The following NRXN2 variants were observed in gnomAD, a reference collection of about 807,000 sequenced individuals.
The protein encoded by NRXN2 is neurexin 2, also known as neurexin-2-beta.
Under a neutral mutation model 128.8 loss-of-function variants are expected in NRXN2, and 29 were observed. That is an observed-to-expected ratio of 0.23 (90% confidence interval 0.17 to 0.31). The LOEUF (loss-of-function observed/expected upper bound fraction) is 0.31. Ranked by LOEUF, NRXN2 falls within the 10% of genes least tolerant of loss-of-function variation. NRXN2 has a pLI of 1.00. For synonymous variants in NRXN2, 1,098 were observed against 1,075.2 expected (o/e 1.02, Z -0.41); for missense variants, 1,881 against 2,452.6 (o/e 0.77, Z 4.92).
At position 64,664,557 on chromosome 11, in the gene NRXN2, T is replaced by A. The variant is rs141733437; in HGVS notation, c.1798+2693A>T. On this transcript the variant is annotated intron_variant, in intron 9 of 22. Coordinates refer to ENST00000265459, the MANE Select transcript of NRXN2 (RefSeq NM_015080.4). ...TCATTTCTTTCTCTGTCCCATGTGA[T>A]CTGCAGGAAAGGGTAGTAAATTTTA... Among the ~76,000 whole-genome samples the A allele has an allele frequency of 7.2e-5, 11 of 152,126 alleles. No individual in the cohort carries two copies. In the East Asian group the frequency reaches 1.5e-3, roughly 21 times the overall value.
Position 64,660,974 on chromosome 11 carries a change from A to G in NRXN2, c.1964T>C (p.Val655Ala). Reference sequence around the variant, plus strand: ...TATGAAGAGGTCCCGCACACAGCCCACGTAGCCTGCCCGGAGTGCTGCTGT... The same window carrying G: ...TATGAAGAGGTCCCGCACACAGCCCGCGTAGCCTGCCCGGAGTGCTGCTGT... ...VWTAALRAGY[V>A]GCVRDLFIDG... is the part of the protein sequence containing the mutation. Residue 655 changes from valine (V) to alanine (A), a missense_variant, in exon 10 of 23, where the codon GTG becomes GCG. Around this residue, in one of 7 missense-constraint regions of NRXN2, gnomAD observed 997 missense variants for 1,240.8 expected, o/e 0.80. Coordinates refer to ENST00000265459, the MANE Select transcript of NRXN2 (RefSeq NM_015080.4). The surrounding 1 kb of genome is among the most constrained non-coding windows in gnomAD (Gnocchi z 5.2). 2 of 1,613,806 alleles carry G rather than the reference A, an allele frequency of 1.2e-6. No homozygotes were observed. Among genetic ancestry groups the G allele is most frequent in the Non-Finnish European group, 1.7e-6 (2 of 1,179,974 alleles).
chr11:64,695,715 T>C (rs1294615926), intron 3 of NRXN2, among the ~76,000 whole-genome samples: 1 of 151,804 alleles, frequency 6.6e-6, no homozygotes, highest in African/African-American at 2.4e-5. Flanking sequence ...CTCCTAGGTG[T>C]GTATACACAC....
intron 19 of NRXN2, among the ~76,000 whole-genome samples, chr11:64,628,300 T>C (rs2043369353): frequency 6.6e-6 from 1 of 152,206 alleles, no homozygotes; most frequent in Non-Finnish European, 1.5e-5. Flanking sequence ...CAGTGGGAGA[T>C]CCAGGATTAA....
chr11:64,692,109 G>C (rs2059005895), intron 4 of NRXN2, among the ~76,000 whole-genome samples: 1 of 152,208 alleles, frequency 6.6e-6, no homozygotes, highest in African/African-American at 2.4e-5. Context: ...CTTAGTCAAA[G>C]GAGTGCTAAA....
chr11:64,612,633 C>T (rs1245677889), intron 22 of NRXN2, among the ~76,000 whole-genome samples: 8 of 152,264 alleles, frequency 5.3e-5, no homozygotes, highest in African/African-American at 1.4e-4. Flanking sequence ...TAGCCCCCTT[C>T]TGCCCTTAGG....
At chr11:64,673,736 T>C (rs987166086) in intron 7 of NRXN2, among the ~76,000 whole-genome samples, 2 of 152,104 alleles carry the variant, frequency 1.3e-5, no homozygotes, top group African/African-American at 4.8e-5. Flanking sequence ...GTTTGTTTGT[T>C]TGTTTTAGAG....
At chr11:64,649,354 C>G (rs1303515132) in intron 15 of NRXN2, among the ~76,000 whole-genome samples, 1 of 152,178 alleles carries the variant, frequency 6.6e-6, no homozygotes, top group Non-Finnish European at 1.5e-5. Context: ...AAGCCCAGCT[C>G]CCTTCCCCCA....
At chr11:64,620,474 G>T in intron 21 of NRXN2, 102 bp from the exon 22 acceptor site, 2 of 891,192 alleles carry the variant, frequency 2.2e-6, no homozygotes, top group Non-Finnish European at 3.6e-6. Flanking sequence ...GATGCCCCTG[G>T]GCTGAGACGG....
intron 3 of NRXN2, among the ~76,000 whole-genome samples, chr11:64,694,633 A>C (rs2054253309): frequency 6.6e-6 from 1 of 152,090 alleles, no homozygotes; most frequent in Non-Finnish European, 1.5e-5. Context: ...TATCCATCAC[A>C]CAGGTAAGGA....
chr11:64,711,925 C>A (rs2056935155), intron 2 of NRXN2, among the ~76,000 whole-genome samples: 1 of 152,122 alleles, frequency 6.6e-6, no homozygotes, highest in East Asian at 1.9e-4. Context: ...AATCCCCATT[C>A]TCCCTCGCCT....
Position 64,648,307 on chromosome 11 carries a change from A to G in NRXN2, c.3315T>C (p.Cys1105=). ...GCTGCAAGCAGACGCCCTGGTTGGC[A>G]CAGGACTCTTCAGTGCAGGTGGTGC... ...GPSTTCTEES[C]ANQGVCLQQW... is the part of the protein sequence containing the mutation. The change falls in exon 17 of 23, where the codon TGT becomes TGC. Residue 1105 remains cysteine (C), a synonymous_variant. Coordinates refer to ENST00000265459, the MANE Select transcript of NRXN2 (RefSeq NM_015080.4). The surrounding 1 kb of genome is among the most constrained non-coding windows in gnomAD (Gnocchi z 4.1). 6.2e-7 allele frequency: 1 copy of G among 1,614,230 alleles called. No homozygotes were observed. Among genetic ancestry groups the G allele is most frequent in the Non-Finnish European group, 8.5e-7 (1 of 1,180,042 alleles).
At position 64,635,046 on chromosome 11, in the gene NRXN2, G is replaced by A. The variant is rs1475929051; in HGVS notation, c.3585+225C>T. On this transcript the variant is annotated intron_variant, in intron 18 of 22. Transcript: ENST00000265459. This position sits in a 1 kb window ranked among gnomAD's most constrained non-coding sequence, Gnocchi z 4.8. ...AGGGAGTGGGGAGCTGGAGAAATTC[G>A]AATCAGATGGGAGGGTGGATCTGGG... Among the ~76,000 whole-genome samples the A allele has an allele frequency of 2.0e-5, 3 of 152,158 alleles. No homozygotes were observed. Among genetic ancestry groups the A allele is most frequent in the Admixed American group, 6.5e-5 (1 of 15,280 alleles).
chr11:64,659,590 G>A (rs1489036718), intron 11 of NRXN2: 1 of 152,618 alleles, frequency 6.6e-6, no homozygotes, highest in Non-Finnish European at 1.5e-5. Context: ...TGAATTTTAA[G>A]GCAAATGGCC....
intron 2 of NRXN2, among the ~76,000 whole-genome samples, chr11:64,703,258 C>A (rs935899271): frequency 3.9e-5 from 6 of 152,210 alleles, no homozygotes; most frequent in Middle Eastern, 6.8e-3. Flanking sequence ...AAAAGGCATT[C>A]TCCTGTTTGT....
intron 17 of NRXN2, among the ~76,000 whole-genome samples, chr11:64,645,831 G>A (rs559196723): frequency 6.6e-6 from 1 of 152,230 alleles, no homozygotes; most frequent in African/African-American, 2.4e-5. Flanking sequence ...GACAGGCCCT[G>A]CTCCTTCCAC....
rs2051576060 is a variant in NRXN2, at chr11:64,677,875, A to T, written c.1153-838T>A. On this transcript the variant is annotated intron_variant, in intron 6 of 22. Coordinates refer to ENST00000265459, the MANE Select transcript of NRXN2 (RefSeq NM_015080.4). ...GTGGCCATGCCGGGTTAATGGATTAACCAGTTGGTGATGGGCCAGCTGGCT... is the reference window on the plus strand; with the variant it reads ...GTGGCCATGCCGGGTTAATGGATTATCCAGTTGGTGATGGGCCAGCTGGCT... Among the ~76,000 whole-genome samples the T allele has an allele frequency of 2.0e-5, 3 of 152,332 alleles. No homozygotes were observed. In the South Asian group the frequency reaches 6.2e-4, roughly 32 times the overall value.
At chr11:64,650,950 T>C (rs2047378557) in intron 14 of NRXN2, among the ~76,000 whole-genome samples, 1 of 151,324 alleles carries the variant, frequency 6.6e-6, no homozygotes, top group South Asian at 2.1e-4. Flanking sequence ...TGCTCTGGAG[T>C]GGGGTCCCCT....
At chr11:64,676,601 G>A (rs2051348648) in intron 7 of NRXN2, 1 of 231,334 alleles carries the variant, frequency 4.3e-6, no homozygotes, top group Admixed American at 5.2e-5. Context: ...GAAAAAACAA[G>A]GGAGGGGAGG....
At position 64,667,105 on chromosome 11, in the gene NRXN2, AG is replaced by A; in HGVS notation, c.1798+144del. ...CCGATGACAGAAAGGACAATTGGGA[AG>A]ACGTGAGGGGGGTGGAGGAGAAGCG... On this transcript the variant is annotated intron_variant, in intron 9 of 22. Transcript: ENST00000265459. This position sits in a 1 kb window ranked among gnomAD's most constrained non-coding sequence, Gnocchi z 5.6. 2 of 832,426 alleles carry A rather than the reference AG, an allele frequency of 2.4e-6. No homozygotes were observed. The highest frequency in any genetic ancestry group is 4.0e-5 in the Admixed American group (2 of 49,484). The allele number at this position is 832,426 out of a possible 1,614,324, so 51.6% of individuals were successfully genotyped here. A position where few individuals can be genotyped will look rare whatever the true frequency, so the allele number is the denominator to read the frequency against.
Sources: allele counts gnomAD v4.1 joint callset (sites outside exome capture counted in the v4.1 genomes callset), GRCh38; gene constraint gnomAD v4.1.1; regional missense constraint gnomAD v4.1.1; non-coding constraint Gnocchi (gnomAD v3.1); transcripts MANE v1.5; gene names NCBI Gene and HGNC (gene_info 2026-07-23, HGNC 2026-07-21).